Variants in MROH9 observed in about 807,000 individuals in gnomAD.
MROH9 encodes the protein maestro heat like repeat family member 9, also known as maestro heat-like repeat-containing protein family member 9.
Under a neutral mutation model 98.2 loss-of-function variants are expected in MROH9, and 92 were observed. The ratio of observed to expected loss-of-function variants is 0.94; its 90% CI spans 0.79 to 1.11. The LOEUF is 1.11. MROH9 is among the 50% of genes most tolerant of loss of function. The pLI, the probability that MROH9 is intolerant of heterozygous loss-of-function variation, is 0.00. For synonymous variants in MROH9, 397 were observed against 368.9 expected, an observed-to-expected ratio of 1.08 and a Z score of -0.87; for missense variants, 1,057 against 1,014.8, an observed-to-expected ratio of 1.04 and a Z score of -0.57.
intron 20 of MROH9, among the ~76,000 whole-genome samples, chr1:171,051,061 A>G (rs1653649525): frequency 6.6e-6 from 1 of 152,096 alleles, no homozygotes; most frequent in African/African-American, 2.4e-5. Context: ...ATTTGCTAGT[A>G]TTTTGTTGAA....
chr1:171,007,263 G>T (rs528565901), intron 15 of MROH9, among the ~76,000 whole-genome samples: 1 of 152,288 alleles, frequency 6.6e-6, no homozygotes, highest in South Asian at 2.1e-4. Flanking sequence ...TCTCTTCTCT[G>T]GTTCCTGGGT....
chr1:171,001,408 G>A lies in MROH9; in HGVS notation c.1596+3134G>A, dbSNP rs184098139. Among the ~76,000 whole-genome samples, 686 of 152,152 alleles carry A rather than the reference G, an allele frequency of 4.5e-3. 9 individuals are homozygous for A. Among genetic ancestry groups the A allele is most frequent in the African/African-American group, 0.016 (655 of 41,554 alleles). On this transcript the variant is annotated intron_variant, in intron 15 of 21. Coordinates refer to ENST00000367759, the MANE Select transcript of MROH9 (RefSeq NM_001163629.2). Reference sequence around the variant, plus strand: ...GGCTATGAACTTTTCTCTTAGCACCGTCTTAGCTGTATCCCAGAGGTTTTG... The same window carrying A: ...GGCTATGAACTTTTCTCTTAGCACCATCTTAGCTGTATCCCAGAGGTTTTG...
chr1:170,947,646 T>G, intron 3 of MROH9, 73 bp downstream of exon 3: 1 of 1,286,294 alleles, frequency 7.8e-7, no homozygotes, highest in Non-Finnish European at 1.1e-6. Flanking sequence ...CTGTTTCCAT[T>G]ACAAGGATGT....
chr1:171,063,961 A>C, intron 21 of MROH9, 138 bp from the exon 22 acceptor site: 2 of 853,852 alleles, frequency 2.3e-6, no homozygotes, highest in South Asian at 2.2e-5. Context: ...AGCCAAAGTT[A>C]CAAAATGCAG....
chr1:170,947,602 G>GT, intron 3 of MROH9, 29 bp downstream of exon 3: 2 of 1,574,762 alleles, frequency 1.3e-6, no homozygotes, highest in Non-Finnish European at 1.7e-6. Flanking sequence ...GGATATCAAC[G>GT]TAACTGAATT....
At chr1:170,961,800 A>G in intron 5 of MROH9, 90 bp from the exon 6 acceptor site, 1 of 528,074 alleles carries the variant, frequency 1.9e-6, no homozygotes, top group Non-Finnish European at 3.2e-6. Context: ...AAACCCAGTT[A>G]AAAGTAACTT....
At chr1:170,943,606 T>G (rs1386190063) in intron 1 of MROH9, among the ~76,000 whole-genome samples, 1 of 151,798 alleles carries the variant, frequency 6.6e-6, no homozygotes, top group African/African-American at 2.4e-5. Flanking sequence ...AGGAATCCTT[T>G]GGAAATCCAG....
chr1:171,057,707 G>A (rs1653889813), intron 20 of MROH9, among the ~76,000 whole-genome samples: 1 of 152,086 alleles, frequency 6.6e-6, no homozygotes, highest in East Asian at 1.9e-4. Context: ...AATGTTAAGG[G>A]CAGCCAGAGA....
At chr1:170,987,493 GTC>G (rs1047202370) in intron 10 of MROH9, among the ~76,000 whole-genome samples, 2 of 152,028 alleles carry the variant, frequency 1.3e-5, no homozygotes, top group Non-Finnish European at 2.9e-5. Flanking sequence ...TTCCTCCACA[GTC>G]TCTCTCTCTC....
intron 20 of MROH9, among the ~76,000 whole-genome samples, chr1:171,026,202 G>A (rs1371093678): frequency 6.6e-6 from 1 of 151,644 alleles, no homozygotes; most frequent in Non-Finnish European, 1.5e-5. Context: ...CACAGACACA[G>A]GCACGTGCGC....
chr1:171,015,131 G>A (rs369763386), intron 16 of MROH9: 33 of 458,872 alleles, frequency 7.2e-5, no homozygotes, highest in South Asian at 1.8e-4. Context: ...ATAATAAATC[G>A]TTGTTTATCT....
At chr1:171,061,937 CAT>C in intron 20 of MROH9, among the ~76,000 whole-genome samples, 193 bp from the exon 21 acceptor site, 1 of 152,232 alleles carries the variant, frequency 6.6e-6, no homozygotes. Context: ...CAATATGATT[CAT>C]GCACATTTAT....
At chr1:171,022,668 T>C (rs923142296) in intron 17 of MROH9, among the ~76,000 whole-genome samples, 3 of 151,936 alleles carry the variant, frequency 2.0e-5, no homozygotes, top group Admixed American at 6.6e-5. Context: ...AAAACCTAGA[T>C]GATGGGGTGA....
intron 7 of MROH9, among the ~76,000 whole-genome samples, chr1:170,968,833 A>G (rs934021051): frequency 1.3e-5 from 2 of 152,194 alleles, no homozygotes; most frequent in Non-Finnish European, 2.9e-5. Context: ...GGTACATACT[A>G]AAAGGAAATA....
intron 3 of MROH9, among the ~76,000 whole-genome samples, chr1:170,958,147 A>C (rs1298680937): frequency 2.0e-5 from 3 of 152,100 alleles, no homozygotes; most frequent in African/African-American, 7.2e-5. Context: ...CACTGTGTAG[A>C]TGGGACTTAA....
chr1:171,004,557 G>C (rs1313463988), intron 15 of MROH9, among the ~76,000 whole-genome samples: 3 of 152,136 alleles, frequency 2.0e-5, no homozygotes, highest in Non-Finnish European at 4.4e-5. Flanking sequence ...AGGAAAGGAG[G>C]GTCTCCCTTT....
At chr1:170,945,995 A>T (rs1029612470) in intron 2 of MROH9, among the ~76,000 whole-genome samples, 3 of 152,068 alleles carry the variant, frequency 2.0e-5, no homozygotes, top group Non-Finnish European at 4.4e-5. Flanking sequence ...GGGATCACAG[A>T]GAAAAATTTA....
At chr1:171,021,518 C>T (rs538223004) in intron 17 of MROH9, among the ~76,000 whole-genome samples, 2 of 152,208 alleles carry the variant, frequency 1.3e-5, no homozygotes, top group Non-Finnish European at 2.9e-5. Context: ...GAAAAGATTC[C>T]CTATTTAATA....
intron 1 of MROH9, among the ~76,000 whole-genome samples, chr1:170,941,085 T>A (rs1649102589): frequency 6.6e-6 from 1 of 152,174 alleles, no homozygotes; most frequent in African/African-American, 2.4e-5. Flanking sequence ...ACTCCATTGA[T>A]CTCCTGACCT....
Sources: allele counts gnomAD v4.1 joint callset (sites outside exome capture counted in the v4.1 genomes callset), GRCh38; gene constraint gnomAD v4.1.1; transcripts MANE v1.5; gene names NCBI Gene and HGNC (gene_info 2026-07-23, HGNC 2026-07-21).